Variants in OGDHL observed in about 807,000 individuals in gnomAD.
The protein encoded by OGDHL is oxoglutarate dehydrogenase L.
A neutral mutation model predicts 109.6 loss-of-function variants in OGDHL; 79 were observed. That is an observed-to-expected ratio of 0.72 (90% confidence interval 0.60 to 0.87). The LOEUF (loss-of-function observed/expected upper bound fraction) is 0.87. Ranked by LOEUF, OGDHL falls within the 40% of genes least tolerant of loss-of-function variation. The probability of loss-of-function intolerance (pLI) is 0.00; values close to 1 mark genes in which losing one functional copy is unlikely to be tolerated. For missense variants in OGDHL, 1,275 were observed against 1,362.2 expected (o/e 0.94, Z 1.01); for synonymous variants, 528 against 537.2 (o/e 0.98, Z 0.24).
chr10:49,742,499 AC>A (rs1841845844), intron 15 of OGDHL, among the ~76,000 whole-genome samples: 6 of 7,916 alleles, frequency 7.6e-4, no homozygotes, highest in African/African-American at 1.3e-3. Context: ...CTCACCACAT[AC>A]CACACACCAC....
intron 17 of OGDHL, chr10:49,739,125 T>A (rs1326543647): frequency 6.5e-6 from 1 of 152,924 alleles, no homozygotes; most frequent in Non-Finnish European, 1.5e-5. Context: ...CCAGATGGTA[T>A]CACATGACAC....
intron 12 of OGDHL, 74 bp downstream of exon 12, chr10:49,745,270 G>A (rs928736733): frequency 4.6e-5 from 72 of 1,561,538 alleles, no homozygotes; most frequent in Middle Eastern, 3.4e-4. Context: ...CACTGGGCTG[G>A]TAACATCTAC....
chr10:49,757,517 T>C (rs1842987229), intron 2 of OGDHL, among the ~76,000 whole-genome samples: 2 of 152,216 alleles, frequency 1.3e-5, no homozygotes, highest in African/African-American at 2.4e-5. Context: ...TTGGGGAATT[T>C]ACCCTACAGA....
intron 14 of OGDHL, 80 bp from the exon 15 acceptor site, chr10:49,743,058 C>T (rs1030263892): frequency 9.3e-6 from 14 of 1,512,236 alleles, no homozygotes; most frequent in South Asian, 2.5e-5. Context: ...GCACACACCC[C>T]GCACAAAGCA....
chr10:49,746,642 A>T, intron 10 of OGDHL, 108 bp downstream of exon 10: 1 of 1,425,524 alleles, frequency 7.0e-7, no homozygotes, highest in Non-Finnish European at 9.6e-7. Flanking sequence ...GGTAAGCAGC[A>T]CAGCAGTGGG....
intron 10 of OGDHL, among the ~76,000 whole-genome samples, chr10:49,746,424 G>A (rs2133034106): frequency 6.6e-6 from 1 of 152,346 alleles, no homozygotes; most frequent in South Asian, 2.1e-4. Context: ...CTCCATATGA[G>A]CTGTTAGAAG....
intron 10 of OGDHL, 100 bp downstream of exon 10, chr10:49,746,650 G>A (rs1189369007): frequency 6.8e-7 from 1 of 1,476,122 alleles, no homozygotes; most frequent in Non-Finnish European, 9.3e-7. Context: ...GCACAGCAGT[G>A]GGCTCAGAGC....
At position 49,762,307 on chromosome 10, in the gene OGDHL, G is replaced by C. The variant is rs1451884489; in HGVS notation, c.-70C>G. The C allele has an allele frequency of 1.3e-5, 2 of 152,070 alleles. No homozygotes were observed. The highest frequency in any genetic ancestry group is 2.9e-5 in the Non-Finnish European group (2 of 67,962). 9.4% of individuals were successfully genotyped at this position (152,070 alleles called of 1,614,324 possible). A position where few individuals can be genotyped will look rare whatever the true frequency, so the allele number is the denominator to read the frequency against. Reference sequence around the variant, plus strand: ...TGCAGGTCAGGGGGCTGCGCGGAAGGGGTGCGCGCGCGCCGTGCCAATTAC... The same window carrying C: ...TGCAGGTCAGGGGGCTGCGCGGAAGCGGTGCGCGCGCGCCGTGCCAATTAC... On this transcript the variant is annotated 5_prime_UTR_variant, in exon 1 of 23. Transcript: ENST00000374103.
intron 15 of OGDHL, among the ~76,000 whole-genome samples, chr10:49,741,548 G>A (rs1400778559): frequency 6.6e-6 from 1 of 152,026 alleles, no homozygotes; most frequent in Non-Finnish European, 1.5e-5. Flanking sequence ...AGGAAATGTG[G>A]TGTGGACAAC....
Position 49,749,776 on chromosome 10 carries a change from G to A in OGDHL, c.937C>T (p.Leu313=), listed in dbSNP as rs750600440. The A allele has an allele frequency of 3.1e-6, 5 of 1,601,032 alleles. No homozygotes were observed. The highest frequency in any genetic ancestry group is 1.3e-5 in the African/African-American group (1 of 74,778). The change falls in exon 8 of 23, where the codon CTG becomes TTG. Residue 313 remains leucine, a synonymous_variant. Transcript: ENST00000374103. ...NVLANVIRKD[L]EQIFCQFDPK... ...TCAAACTGGCAGAAGATCTGCTCCAGGTCCTTGCGGATCACGTTGGCCAGC... is the reference window on the plus strand; with the variant it reads ...TCAAACTGGCAGAAGATCTGCTCCAAGTCCTTGCGGATCACGTTGGCCAGC...
In OGDHL at chr10:49,744,024, C is replaced by T; in HGVS notation, c.1831G>A (p.Val611Met). 6.2e-7 allele frequency: 1 copy of T among 1,613,890 alleles called. No individual in the cohort carries two copies. The highest frequency in any genetic ancestry group is 1.3e-5 in the African/African-American group (1 of 75,010). Residue 611 changes from valine to methionine, a missense_variant, in exon 14 of 23, where the codon GTG (valine) becomes ATG (methionine). Physicochemically the swap from Val to Met is conservative, Grantham distance 21. Coordinates refer to ENST00000374103, the MANE Select transcript of OGDHL (RefSeq NM_018245.3). The stretch of plus-strand genomic sequence containing the variant: ...TGGATCTTAAAGTCCTCCAGGGGCA[C>T]AGAGCTGGCCACACTGCCGATGTGG... ...LTHIGSVASS[V>M]PLEDFKIHTG...
intron 15 of OGDHL, among the ~76,000 whole-genome samples, chr10:49,741,229 C>T (rs1841629732): frequency 6.6e-6 from 1 of 152,130 alleles, no homozygotes; most frequent in Admixed American, 6.5e-5. Flanking sequence ...CCTGCCCCGT[C>T]TTGCTGGCTT....
chr10:49,759,977 C>T (rs1370612161), intron 1 of OGDHL, among the ~76,000 whole-genome samples: 1 of 152,228 alleles, frequency 6.6e-6, no homozygotes, highest in East Asian at 1.9e-4. Flanking sequence ...CTGCCTCACC[C>T]CTGCCATCAG....
rs988965624 is a variant in OGDHL at position 49,758,492 on chromosome 10, G to T, written c.101C>A (p.Ser34Tyr). Residue 34 changes from serine (S) to tyrosine (Y), a missense_variant, in exon 2 of 23, where the codon TCC becomes TAC. Ser to Tyr is a moderately radical substitution (Grantham distance 144). Transcript: ENST00000374103. ...VPVFGWRSRS[S>Y]GPPATFPSSK... ...GCTTGGGAAGGTGGCCGGTGGCCCG[G>T]AGGACCTGCTGCGCCAGCCAAACAC... The T allele has an allele frequency of 6.2e-7, 1 of 1,613,896 alleles. No homozygotes were observed. The highest frequency in any genetic ancestry group is 8.5e-7 in the Non-Finnish European group (1 of 1,180,040).
chr10:49,751,833 G>C lies in OGDHL; in HGVS notation c.743C>G (p.Ser248Cys). Residue 248 changes from serine (S) to cysteine (C), a missense_variant, in exon 6 of 23, where the codon TCC (serine) becomes TGC (cysteine). By Grantham distance (112) the Ser-to-Cys change is moderately radical. Coordinates refer to ENST00000374103, the MANE Select transcript of OGDHL (RefSeq NM_018245.3). ...CCCTCCAGGTGGTGCCAACCTCATG[G>C]AGCGCACTAGCCGGGCCAGCAGGGT... ...KRTLLARLVR[S>C]MRFEDFLARK... 1 of 1,613,652 alleles carries C rather than the reference G, an allele frequency of 6.2e-7. No homozygotes were observed. The highest frequency in any genetic ancestry group is 1.3e-5 in the African/African-American group (1 of 75,050).
rs1167198312 is a variant in OGDHL, at chr10:49,744,051, T to A, written c.1804A>T (p.Thr602Ser). ...GAGCTGGCCACACTGCCGATGTGGG[T>A]GAGCATGTCCTCAGGGATCCCCGTG... is the stretch of plus-strand genomic sequence containing the variant. ...PATGIPEDML[T>S]HIGSVASSVP... Residue 602 changes from threonine (T) to serine (S), a missense_variant, in exon 14 of 23, where the codon ACC (threonine) becomes TCC (serine). Transcript: ENST00000374103. 6.2e-7 allele frequency: 1 copy of A among 1,614,152 alleles called. No individual in the cohort carries two copies. The highest frequency in any genetic ancestry group is 1.1e-5 in the South Asian group (1 of 91,084).
At chr10:49,735,924 G>A (rs1841125656) in intron 22 of OGDHL, 99 bp downstream of exon 22, 3 of 1,334,578 alleles carry the variant, frequency 2.2e-6, no homozygotes, top group South Asian at 1.7e-5. Context: ...ACCAGAGAAG[G>A]GCAGGGCCAG....
chr10:49,751,459 G>A (rs1480769372), intron 6 of OGDHL, among the ~76,000 whole-genome samples: 1 of 152,132 alleles, frequency 6.6e-6, no homozygotes, highest in Non-Finnish European at 1.5e-5. Flanking sequence ...CAGCCCTGGG[G>A]GACCCAGCTT....
At chr10:49,752,965 C>G (rs1007367801) in intron 3 of OGDHL, among the ~76,000 whole-genome samples, 2 of 152,250 alleles carry the variant, frequency 1.3e-5, no homozygotes, top group African/African-American at 4.8e-5. Context: ...CGGGCAAAAA[C>G]AGGAAAAAGA....
Sources: allele counts gnomAD v4.1 joint callset (sites outside exome capture counted in the v4.1 genomes callset), GRCh38; gene constraint gnomAD v4.1.1; transcripts MANE v1.5; gene names NCBI Gene and HGNC (gene_info 2026-07-23, HGNC 2026-07-21).